The following KLHL35 variants were observed in gnomAD, a reference collection of about 807,000 sequenced individuals.
KLHL35 encodes kelch like family member 35.
KLHL35 carries 50 observed loss-of-function variants against 44.0 expected under a neutral mutation model. That is an observed-to-expected ratio of 1.14 (90% confidence interval 0.91 to 1.44). The LOEUF (loss-of-function observed/expected upper bound fraction) is 1.44, where lower values mean the gene tolerates loss of function less well. Among genes scored for constraint, KLHL35 ranks in the 40% most tolerant of loss-of-function variants. The pLI, the probability that KLHL35 is intolerant of heterozygous loss-of-function variation, is 0.00. For missense variants in KLHL35, 1,049 were observed against 887.8 expected, an observed-to-expected ratio of 1.18 and a Z score of -2.31; for synonymous variants, 470 against 410.4, an observed-to-expected ratio of 1.15 and a Z score of -1.76.
In KLHL35 at chr11:75,428,567, A is replaced by G; in HGVS notation, c.941T>C (p.Leu314Pro). 1.2e-6 allele frequency: 2 copies of G among 1,610,542 alleles called. No homozygotes were observed. The highest frequency in any genetic ancestry group is 1.7e-6 in the Non-Finnish European group (2 of 1,179,130). Residue 314 changes from leucine (L) to proline (P), a missense_variant, in exon 3 of 7, where the codon CTG (leucine) becomes CCG (proline). Coordinates refer to ENST00000539798, the MANE Select transcript of KLHL35 (RefSeq NM_001039548.3). ...GTAGGCATCGGCGAAGGGCAGCTTCAGGAGACCTTTGCGGTCGCAACCGCC... is the reference window on the plus strand; with the variant it reads ...GTAGGCATCGGCGAAGGGCAGCTTCGGGAGACCTTTGCGGTCGCAACCGCC... ...VIGGCDRKGL[L>P]KLPFADAYHP...
Position 75,430,609 on chromosome 11 carries a change from C to T in KLHL35, c.21G>A (p.Pro7=). MRQGHA[P]EESEPGCEAP... ...CTTCGCAGCCCGGCTCCGACTCCTC[C>T]GGCGCATGGCCTTGCCGCATCCTGC... The change falls in exon 2 of 7, where the codon CCG becomes CCA. Residue 7 remains proline, a synonymous_variant. Coordinates refer to ENST00000539798, the MANE Select transcript of KLHL35 (RefSeq NM_001039548.3). 4 of 1,404,036 alleles carry T rather than the reference C, an allele frequency of 2.8e-6. No individual in the cohort carries two copies. The highest frequency in any genetic ancestry group is 2.8e-6 in the Non-Finnish European group (3 of 1,084,028). 87.0% of individuals were successfully genotyped at this position (1,404,036 alleles called of 1,614,324 possible). A position where few individuals can be genotyped will look rare whatever the true frequency, so the allele number is the denominator to read the frequency against.
intron 5 of KLHL35, chr11:75,425,041 G>GTT: frequency 7.8e-5 from 16 of 205,110 alleles, no homozygotes; most frequent in Admixed American, 1.2e-4. Context: ...GGGATTATGG[G>GTT]TTTTTTTTTT....
intron 5 of KLHL35, 72 bp downstream of exon 5, chr11:75,425,321 C>T: frequency 7.0e-7 from 1 of 1,435,152 alleles, no homozygotes. Context: ...ATGGAAACGC[C>T]CAATTCTGCG....
intron 4 of KLHL35, chr11:75,426,239 C>T (rs916971670): frequency 1.8e-5 from 4 of 228,334 alleles, no homozygotes; most frequent in South Asian, 9.5e-5. Flanking sequence ...ACAGCCACTG[C>T]GCCCGGCCGA....
In KLHL35 at chr11:75,433,169, G is replaced by A. The variant is rs377208246; in HGVS notation, c.-128C>T. On this transcript the variant is annotated 5_prime_UTR_variant, in exon 1 of 7. The change creates a new upstream start codon in the 5' untranslated region. Transcript: ENST00000539798. ...TTCATGCTGCTCTGCCCAGACTCCCGTTTGCTGTTCGCTCGGGCTCAGCTG... is the reference window on the plus strand; with the variant it reads ...TTCATGCTGCTCTGCCCAGACTCCCATTTGCTGTTCGCTCGGGCTCAGCTG... 5.8e-4 allele frequency among the ~76,000 whole-genome samples: 89 copies of A among 152,280 alleles called. 2 individuals are homozygous for A. The highest frequency in any genetic ancestry group is 1.9e-3 in the African/African-American group (81 of 41,556).
chr11:75,426,681 A>G (rs1416641832), intron 3 of KLHL35, 43 bp from the exon 4 acceptor site: 47 of 1,381,616 alleles, frequency 3.4e-5, no homozygotes, highest in Non-Finnish European at 4.5e-5. Flanking sequence ...CTCTCTTGCT[A>G]TCCCAAGCAC....
chr11:75,422,834 C>A (rs1353569430), intron 6 of KLHL35, 66 bp from the exon 7 acceptor site: 2 of 1,469,756 alleles, frequency 1.4e-6, no homozygotes, highest in Non-Finnish European at 1.9e-6. Context: ...CCTGCCTGGC[C>A]AGGCCAGATA....
chr11:75,430,772 G>A, intron 1 of KLHL35, 142 bp from the exon 2 acceptor site: 1 of 708,930 alleles, frequency 1.4e-6, no homozygotes, highest in Non-Finnish European at 2.0e-6. Context: ...GTTCCTTACG[G>A]CTACAGTGCC....
At chr11:75,431,214 C>T (rs1042907012) in intron 1 of KLHL35, among the ~76,000 whole-genome samples, 2 of 152,190 alleles carry the variant, frequency 1.3e-5, no homozygotes, top group African/African-American at 2.4e-5. Context: ...CTGCTCAATC[C>T]AGCCTGTCTC....
At chr11:75,425,632 C>T in intron 4 of KLHL35, 51 bp from the exon 5 acceptor site, 1 of 1,386,926 alleles carries the variant, frequency 7.2e-7, no homozygotes, top group Non-Finnish European at 9.4e-7. Context: ...CCTTAGGGCC[C>T]TCGGCCTCAT....
chr11:75,425,603 G>A (rs1302410514), intron 4 of KLHL35, 22 bp from the exon 5 acceptor site: 7 of 1,450,122 alleles, frequency 4.8e-6, no homozygotes, highest in South Asian at 1.5e-5. Flanking sequence ...GACATGGGCC[G>A]GGGAGCCGGG....
In KLHL35 at chr11:75,433,068, C is replaced by T. The variant is rs149837592; in HGVS notation, c.-27G>A. ...CTGGCCATACCCTCTCCCAAGTGCT[C>T]CGCAGCTGCTGCTCTCACAGGTATC... On this transcript the variant is annotated 5_prime_UTR_variant, in exon 1 of 7. Coordinates refer to ENST00000539798, the MANE Select transcript of KLHL35 (RefSeq NM_001039548.3). Among the ~76,000 whole-genome samples the T allele has an allele frequency of 3.7e-4, 56 of 152,328 alleles. No individual in the cohort carries two copies. Among genetic ancestry groups the T allele is most frequent in the African/African-American group, 1.2e-3 (48 of 41,572 alleles).
In KLHL35 at chr11:75,430,379, A is replaced by C; in HGVS notation, c.251T>G (p.Val84Gly). Reference sequence around the variant, plus strand: ...TGGCGCCTCGGGAGCTACTGGCACCACTGGCACCACGGCCGGGCCGCGCTC... The same window carrying C: ...TGGCGCCTCGGGAGCTACTGGCACCCCTGGCACCACGGCCGGGCCGCGCTC... ...RPERGPAVVP[V>G]VPVAPEAPGT... The change falls in exon 2 of 7, where the codon GTG (valine) becomes GGG (glycine). Residue 84 changes from valine (V) to glycine (G), a missense_variant. Coordinates refer to ENST00000539798, the MANE Select transcript of KLHL35 (RefSeq NM_001039548.3). The C allele has an allele frequency of 7.3e-7, 1 of 1,362,882 alleles. No individual in the cohort carries two copies. The highest frequency in any genetic ancestry group is 9.5e-7 in the Non-Finnish European group (1 of 1,055,070). 84.4% of individuals were successfully genotyped at this position (1,362,882 alleles called of 1,614,324 possible).
At chr11:75,423,965 C>CG (rs1011503052) in intron 5 of KLHL35, 85 bp from the exon 6 acceptor site, 18 of 1,080,754 alleles carry the variant, frequency 1.7e-5, no homozygotes, top group Non-Finnish European at 2.1e-5. Flanking sequence ...CCTCTCCCCC[C>CG]GGGGGCACTC....
At position 75,423,674 on chromosome 11, in the gene KLHL35, C is replaced by G; in HGVS notation, c.1563+18G>C. The G allele has an allele frequency of 6.2e-7, 1 of 1,611,014 alleles. No individual in the cohort carries two copies. The highest frequency in any genetic ancestry group is 8.5e-7 in the Non-Finnish European group (1 of 1,178,076). On this transcript the variant is annotated intron_variant, in intron 6 of 6. Transcript: ENST00000539798. Reference sequence around the variant, plus strand: ...TTAGAAGCGGGTTCCGCTCTCCTGCCTTGAAGCCTCCACTTACCACAGGGC... The same window carrying G: ...TTAGAAGCGGGTTCCGCTCTCCTGCGTTGAAGCCTCCACTTACCACAGGGC...
Position 75,433,056 on chromosome 11 carries a change from C to T in KLHL35, c.-15G>A, listed in dbSNP as rs1387544234. ...CCTGGCACTTACCTGGCCATACCCT[C>T]TCCCAAGTGCTCCGCAGCTGCTGCT... On this transcript the variant is annotated 5_prime_UTR_variant, in exon 1 of 7. Transcript: ENST00000539798. Among the ~76,000 whole-genome samples the T allele has an allele frequency of 6.6e-6, 1 of 152,200 alleles. No homozygotes were observed. The highest frequency in any genetic ancestry group is 2.4e-5 in the African/African-American group (1 of 41,442).
rs1013523328 is a variant in KLHL35 at position 75,433,200 on chromosome 11, G to A, written c.-159C>T. Among the ~76,000 whole-genome samples, 3 of 152,176 alleles carry A rather than the reference G, an allele frequency of 2.0e-5. No homozygotes were observed. Among genetic ancestry groups the A allele is most frequent in the African/African-American group, 7.2e-5 (3 of 41,446 alleles). ...TGTTCGCTCGGGCTCAGCTGCGGGA[G>A]GACAAAGGGGCTGGACGCCAGGAGG... On this transcript the variant is annotated 5_prime_UTR_variant, in exon 1 of 7. Transcript: ENST00000539798.
rs1273767840 is a variant in KLHL35, at chr11:75,426,580, G to T, written c.1125C>A (p.Ile375=). ...WMFSSHLHTW[I]KVASLHKGRW... ...TGCCCTTGTGCAGAGAGGCTACCTT[G>T]ATCCAGGTGTGCAGATGGGAGCTAA... Residue 375 remains isoleucine (I), a synonymous_variant, in exon 4 of 7, where the codon ATC becomes ATA. Transcript: ENST00000539798. 2.5e-6 allele frequency: 4 copies of T among 1,607,238 alleles called. No homozygotes were observed. The Admixed American group carries it at 5.1e-5, about 20-fold the overall frequency.
chr11:75,423,991 T>C, intron 5 of KLHL35, 111 bp from the exon 6 acceptor site: 1 of 822,090 alleles, frequency 1.2e-6, no homozygotes, highest in African/African-American at 1.7e-5. Flanking sequence ...AAACGACATT[T>C]GCCAGTGTCC....
Sources: allele counts gnomAD v4.1 joint callset (sites outside exome capture counted in the v4.1 genomes callset), GRCh38; gene constraint gnomAD v4.1.1; transcripts MANE v1.5; gene names NCBI Gene and HGNC (gene_info 2026-07-23, HGNC 2026-07-21).